Variants in PXDN observed in about 807,000 individuals in gnomAD.
PXDN encodes the protein peroxidasin homolog.
Under a neutral mutation model 140.3 loss-of-function variants are expected in PXDN, and 77 were observed. The observed-to-expected ratio is 0.55, with a 90% CI of 0.46 to 0.66. The LOEUF is 0.66. Ranked by LOEUF, PXDN falls within the 30% of genes least tolerant of loss-of-function variation. PXDN has a pLI of 0.00. For synonymous variants in PXDN, 911 were observed against 857.4 expected (o/e 1.06, Z -1.09); for missense variants, 1,838 against 2,039.5 (o/e 0.90, Z 1.90).
intron 14 of PXDN, among the ~76,000 whole-genome samples, chr2:1,657,504 C>G (rs1211040198): frequency 6.7e-6 from 1 of 150,012 alleles, no homozygotes; most frequent in Non-Finnish European, 1.5e-5. Flanking sequence ...CTGCCACCTC[C>G]TGACTAGGAC....
chr2:1,721,672 T>C (rs1685056059), intron 1 of PXDN, among the ~76,000 whole-genome samples: 1 of 152,120 alleles, frequency 6.6e-6, no homozygotes, highest in African/African-American at 2.4e-5. Flanking sequence ...CCGTCTCTAC[T>C]AAAAATTAGC....
intron 16 of PXDN, chr2:1,653,306 C>T (rs74703760): frequency 0.26 from 96,137 of 376,118 alleles, 13,534 homozygotes; most frequent in Admixed American, 0.4. Context: ...TCCCTTATGG[C>T]TCATTTGTTG....
chr2:1,655,616 A>G (rs1315106071), intron 14 of PXDN, among the ~76,000 whole-genome samples: 1 of 148,076 alleles, frequency 6.8e-6, no homozygotes, highest in Non-Finnish European at 1.5e-5. Flanking sequence ...GCCCCTCCTT[A>G]CTGGGATCTG....
chr2:1,665,370 A>G (rs962476336), intron 10 of PXDN, among the ~76,000 whole-genome samples: 1 of 152,240 alleles, frequency 6.6e-6, no homozygotes, highest in African/African-American at 2.4e-5. Flanking sequence ...CGTGGACACC[A>G]GGCCGACTTA....
At position 1,648,878 on chromosome 2, in the gene PXDN, T is replaced by TG; in HGVS notation, c.2901dup (p.Ile968HisfsTer50). 1 of 1,602,106 alleles carries TG rather than the reference T, an allele frequency of 6.2e-7. No individual in the cohort carries two copies. The highest frequency in any genetic ancestry group is 8.5e-7 in the Non-Finnish European group (1 of 1,177,372). On this transcript the variant is annotated frameshift_variant, in exon 17 of 23. Transcript: ENST00000252804. LOFTEE classifies it high-confidence loss of function. The surrounding 1 kb of genome is among the most constrained non-coding windows in gnomAD (Gnocchi z 8.9). ...TGGTCCCCGGCCAGGAAGCAGGGGA[T>TG]GGGGCTCTCGTTCTCGTCCCGCATG...
At chr2:1,686,777 G>T (rs1558508973) in intron 4 of PXDN, among the ~76,000 whole-genome samples, 1 of 152,130 alleles carries the variant, frequency 6.6e-6, no homozygotes, top group Non-Finnish European at 1.5e-5. Context: ...TCCCAGAGTG[G>T]TCTCCCCCCT....
chr2:1,673,345 G>A (rs534148744), intron 9 of PXDN, among the ~76,000 whole-genome samples: 2 of 152,180 alleles, frequency 1.3e-5, no homozygotes, highest in East Asian at 1.9e-4. Context: ...GGGTGGGGTC[G>A]GTGGGTCAGG....
intron 3 of PXDN, among the ~76,000 whole-genome samples, chr2:1,691,216 TA>T (rs1372016816): frequency 6.6e-6 from 1 of 152,204 alleles, no homozygotes; most frequent in Admixed American, 6.5e-5. Flanking sequence ...GGAAAGTGAC[TA>T]AGTCTTAAAA....
chr2:1,731,061 G>C (rs563673076), intron 1 of PXDN, among the ~76,000 whole-genome samples: 79 of 152,218 alleles, frequency 5.2e-4, no homozygotes, highest in Admixed American at 4.2e-3. Context: ...AGCAAGCAAA[G>C]GGAATATCAA....
At chr2:1,690,077 G>A (rs998211638) in intron 3 of PXDN, among the ~76,000 whole-genome samples, 2 of 152,192 alleles carry the variant, frequency 1.3e-5, no homozygotes, top group African/African-American at 4.8e-5. Context: ...TGAAATCACA[G>A]CATTTAACTC....
rs568997624 is a variant in PXDN, at chr2:1,684,028, A to AC, written c.488+51dup. On this transcript the variant is annotated intron_variant, in intron 5 of 22. Coordinates refer to ENST00000252804, the MANE Select transcript of PXDN (RefSeq NM_012293.3). ...TGACCTTAATCTAACCAAGCCAGTG[A>AC]CTGAGGCTTGGGCTCTGTGAATGGA... 5.4e-6 allele frequency: 8 copies of AC among 1,477,666 alleles called. No individual in the cohort carries two copies. The Admixed American group carries it at 1.4e-4, about 26-fold the overall frequency. 91.5% of individuals were successfully genotyped at this position (1,477,666 alleles called of 1,614,324 possible). A position where few individuals can be genotyped will look rare whatever the true frequency, so the allele number is the denominator to read the frequency against.
At chr2:1,704,267 A>G (rs1254416175) in intron 1 of PXDN, among the ~76,000 whole-genome samples, 1 of 17,808 alleles carries the variant, frequency 5.6e-5, no homozygotes, top group Non-Finnish European at 9.3e-5. Context: ...GAAGGGGGGG[A>G]CAGCTCCAGG....
At position 1,631,890 on chromosome 2, in the gene PXDN, A is replaced by C. The variant is rs942400613; in HGVS notation, c.*2314T>G. On this transcript the variant is annotated 3_prime_UTR_variant, in exon 23 of 23. Coordinates refer to ENST00000252804, the MANE Select transcript of PXDN (RefSeq NM_012293.3). Reference sequence around the variant, plus strand: ...GTAAAAAAAAATAAAGCCATTCTCCATTTGAAAATGTGACCCATTTATTTG... The same window carrying C: ...GTAAAAAAAAATAAAGCCATTCTCCCTTTGAAAATGTGACCCATTTATTTG... The C allele has an allele frequency of 2.0e-5, 3 of 152,628 alleles. No homozygotes were observed. The highest frequency in any genetic ancestry group is 7.2e-5 in the African/African-American group (3 of 41,454). 9.5% of individuals were successfully genotyped at this position (152,628 alleles called of 1,614,324 possible).
chr2:1,635,113 G>A (rs1041572464), intron 22 of PXDN, among the ~76,000 whole-genome samples: 1 of 150,578 alleles, frequency 6.6e-6, no homozygotes, highest in Non-Finnish European at 1.5e-5. Context: ...CACAGCTGGT[G>A]GGAGGTGAAG....
chr2:1,735,986 T>C (rs778495437), intron 1 of PXDN, among the ~76,000 whole-genome samples: 1 of 152,254 alleles, frequency 6.6e-6, no homozygotes, highest in Non-Finnish European at 1.5e-5. Context: ...ATGCTTCACC[T>C]TGCACTTTTA....
In PXDN at chr2:1,632,828, C is replaced by T. The variant is rs555321294; in HGVS notation, c.*1376G>A. ...ACCTCAGGGGCTCCCTCCACCACCT[C>T]AGCTGGGCCTTGCTGCGGGCAGGTG... On this transcript the variant is annotated 3_prime_UTR_variant, in exon 23 of 23. Coordinates refer to ENST00000252804, the MANE Select transcript of PXDN (RefSeq NM_012293.3). The surrounding 1 kb of genome is among the most constrained non-coding windows in gnomAD (Gnocchi z 4.3). The T allele has an allele frequency of 2.0e-5, 3 of 152,512 alleles. No homozygotes were observed. Among genetic ancestry groups the T allele is most frequent in the Non-Finnish European group, 4.4e-5 (3 of 68,104 alleles). The allele number at this position is 152,512 out of a possible 1,614,324, so 9.4% of individuals were successfully genotyped here.
At chr2:1,673,886 G>C in intron 8 of PXDN, 74 bp from the exon 9 acceptor site, 1 of 1,523,152 alleles carries the variant, frequency 6.6e-7, no homozygotes, top group South Asian at 1.2e-5. Flanking sequence ...CCAGCACAGG[G>C]GTTTCCAGCC....
intron 1 of PXDN, among the ~76,000 whole-genome samples, chr2:1,742,697 T>C (rs1186230271): frequency 2.0e-5 from 3 of 152,178 alleles, no homozygotes; most frequent in African/African-American, 7.2e-5. Context: ...CCCGGCTCCA[T>C]TCTAAAAGTC....
Position 1,676,993 on chromosome 2 carries a change from T to C in PXDN, c.782A>G (p.Asn261Ser), listed in dbSNP as rs1223307656. The change falls in exon 8 of 23, where the codon AAC becomes AGC. Residue 261 changes from asparagine (N) to serine (S), a missense_variant. Physicochemically the swap from Asn to Ser is conservative, Grantham distance 46. Coordinates refer to ENST00000252804, the MANE Select transcript of PXDN (RefSeq NM_012293.3). ...EPQDADVTSG[N>S]TVYFTCRAEG... The stretch of plus-strand genomic sequence containing the variant: ...GGCTCTGCAGGTGAAGTACACGGTG[T>C]TCCCCGAGGTCACATCTGCGTCCTG... 1.2e-6 allele frequency: 2 copies of C among 1,612,924 alleles called. No individual in the cohort carries two copies. Among genetic ancestry groups the C allele is most frequent in the Non-Finnish European group, 1.7e-6 (2 of 1,179,508 alleles).
Sources: allele counts gnomAD v4.1 joint callset (sites outside exome capture counted in the v4.1 genomes callset), GRCh38; gene constraint gnomAD v4.1.1; non-coding constraint Gnocchi (gnomAD v3.1); transcripts MANE v1.5; gene names NCBI Gene and HGNC (gene_info 2026-07-23, HGNC 2026-07-21).